The following PALLD variants were observed in gnomAD, a reference collection of about 807,000 sequenced individuals.
PALLD encodes the protein palladin, cytoskeletal associated protein, also known as palladin.
Under a neutral mutation model 123.5 loss-of-function variants are expected in PALLD, and 61 were observed. The observed-to-expected ratio is 0.49, with a 90% CI of 0.40 to 0.61. The LOEUF is 0.61. Ranked by LOEUF, PALLD falls within the 20% of genes least tolerant of loss-of-function variation. The pLI, the probability that PALLD is intolerant of heterozygous loss-of-function variation, is 0.00. For synonymous variants in PALLD, 465 were observed against 496.4 expected (o/e 0.94, Z 0.84); for missense variants, 1,273 against 1,377.0 (o/e 0.92, Z 1.20).
intron 10 of PALLD, among the ~76,000 whole-genome samples, chr4:168,768,899 G>A (rs1734041137): frequency 6.6e-6 from 1 of 150,900 alleles, no homozygotes; most frequent in African/African-American, 2.4e-5. Flanking sequence ...TGCCATCTCA[G>A]CTCACTGCAA....
At chr4:168,698,201 A>T (rs1280166800) in intron 8 of PALLD, among the ~76,000 whole-genome samples, 1 of 152,150 alleles carries the variant, frequency 6.6e-6, no homozygotes, top group Non-Finnish European at 1.5e-5. Flanking sequence ...AGAGGCTGGG[A>T]GGGGTATTGA....
At chr4:168,761,485 G>A (rs1038541737) in intron 10 of PALLD, among the ~76,000 whole-genome samples, 1 of 151,794 alleles carries the variant, frequency 6.6e-6, no homozygotes, top group African/African-American at 2.4e-5. Context: ...TTTCTGAGAC[G>A]AGTCTCTCTC....
intron 1 of PALLD, among the ~76,000 whole-genome samples, chr4:168,497,652 C>T (rs377235138): frequency 6.6e-6 from 1 of 152,160 alleles, no homozygotes; most frequent in Non-Finnish European, 1.5e-5. Flanking sequence ...TTGTTAATTA[C>T]ACTTTCAAAA....
chr4:168,898,781 G>A, intron 14 of PALLD, 67 bp downstream of exon 14: 1 of 965,696 alleles, frequency 1.0e-6, no homozygotes, highest in African/African-American at 1.6e-5. Context: ...CCAAAACATA[G>A]CATGCCAGTA....
At chr4:168,673,288 G>A (rs1390015880) in intron 3 of PALLD, among the ~76,000 whole-genome samples, 1 of 152,230 alleles carries the variant, frequency 6.6e-6, no homozygotes, top group East Asian at 1.9e-4. Flanking sequence ...CTGATGGGAT[G>A]CGGTGATCAG....
intron 3 of PALLD, among the ~76,000 whole-genome samples, chr4:168,673,584 A>G (rs545035520): frequency 2.9e-4 from 44 of 152,308 alleles, no homozygotes; most frequent in African/African-American, 1.0e-3. Context: ...AAACTGATTC[A>G]TATTTTCTAA....
chr4:168,731,246 C>T (rs1477926460), intron 10 of PALLD, among the ~76,000 whole-genome samples: 3 of 152,164 alleles, frequency 2.0e-5, no homozygotes, highest in Non-Finnish European at 2.9e-5. Context: ...AGTTTTTTCA[C>T]GATGAAGCAA....
chr4:168,786,434 G>A (rs1008812336), intron 10 of PALLD, among the ~76,000 whole-genome samples: 1 of 152,302 alleles, frequency 6.6e-6, no homozygotes, highest in Admixed American at 6.5e-5. Context: ...AGCACTTTGA[G>A]AGGCCTAGGC....
chr4:168,799,955 TGA>T (rs1162809246), intron 10 of PALLD, among the ~76,000 whole-genome samples: 1 of 152,190 alleles, frequency 6.6e-6, no homozygotes, highest in East Asian at 1.9e-4. Context: ...GATTTTTACA[TGA>T]GGGCCTATCA....
chr4:168,783,652 T>C (rs1300650106), intron 10 of PALLD, among the ~76,000 whole-genome samples: 2 of 152,196 alleles, frequency 1.3e-5, no homozygotes, highest in Admixed American at 1.3e-4. Flanking sequence ...AGGGCTGTCA[T>C]GAAAATTTAG....
intron 14 of PALLD, among the ~76,000 whole-genome samples, chr4:168,902,735 C>T (rs1473776665): frequency 1.3e-5 from 2 of 152,080 alleles, no homozygotes; most frequent in Non-Finnish European, 2.9e-5. Context: ...ACCCTTTGGA[C>T]TACTTAAAAA....
At chr4:168,718,385 T>C (rs1785575883) in intron 10 of PALLD, among the ~76,000 whole-genome samples, 1 of 152,228 alleles carries the variant, frequency 6.6e-6, no homozygotes, top group African/African-American at 2.4e-5. Context: ...AATGTAATCA[T>C]TGAATGTACA....
intron 2 of PALLD, among the ~76,000 whole-genome samples, chr4:168,602,237 T>A (rs985454089): frequency 1.3e-5 from 2 of 152,192 alleles, no homozygotes; most frequent in Non-Finnish European, 2.9e-5. Context: ...AGGCAGGCAC[T>A]TTGGAGACCA....
intron 20 of PALLD, 66 bp from the exon 21 acceptor site, chr4:168,925,167 T>TAAAC: frequency 6.3e-7 from 1 of 1,582,682 alleles, no homozygotes; most frequent in South Asian, 1.1e-5. Context: ...TTACTCTTTA[T>TAAAC]AAACAACTAT....
Position 168,512,286 on chromosome 4 carries a change from C to G in PALLD, c.782C>G (p.Pro261Arg). Residue 261 changes from proline (P) to arginine (R), a missense_variant, in exon 2 of 22, where the codon CCC becomes CGC. This residue lies in a region of PALLD where 944 missense variants were observed against 954.5 expected (regional missense o/e 0.99). Transcript: ENST00000505667. ...VPHNRKSHPQ[P>R]HSALHFPAAP... ...CACAACCGCAAGTCTCACCCACAGC[C>G]CCACAGCGCCCTCCACTTCCCAGCT... 6.2e-7 allele frequency: 1 copy of G among 1,614,166 alleles called. No homozygotes were observed. The highest frequency in any genetic ancestry group is 8.5e-7 in the Non-Finnish European group (1 of 1,180,034).
intron 2 of PALLD, among the ~76,000 whole-genome samples, chr4:168,571,948 C>G (rs28508413): frequency 6.6e-6 from 1 of 152,052 alleles, no homozygotes; most frequent in African/African-American, 2.4e-5. Flanking sequence ...AGTGCCAGGC[C>G]GGGCATGGTG....
intron 2 of PALLD, among the ~76,000 whole-genome samples, chr4:168,546,777 C>T (rs1766177266): frequency 6.6e-6 from 1 of 152,110 alleles, no homozygotes; most frequent in African/African-American, 2.4e-5. Context: ...GATTTATTTC[C>T]AGCACAGAGA....
intron 2 of PALLD, among the ~76,000 whole-genome samples, chr4:168,576,823 A>G (rs1052218037): frequency 1.6e-4 from 25 of 152,160 alleles, no homozygotes; most frequent in Admixed American, 6.6e-5. Context: ...GACTTCCACA[A>G]TGGTTGAACT....
chr4:168,507,591 T>C, intron 1 of PALLD: 1 of 202,366 alleles, frequency 4.9e-6, no homozygotes, highest in Non-Finnish European at 1.0e-5. Context: ...GTGCACCCCC[T>C]GGATTACTGC....
Sources: allele counts gnomAD v4.1 joint callset (sites outside exome capture counted in the v4.1 genomes callset), GRCh38; gene constraint gnomAD v4.1.1; regional missense constraint gnomAD v4.1.1; transcripts MANE v1.5; gene names NCBI Gene and HGNC (gene_info 2026-07-23, HGNC 2026-07-21).